EPRS1: variants seen among roughly 807,000 people sequenced by gnomAD.
EPRS1 encodes the protein glutamyl-prolyl-tRNA synthetase 1.
In EPRS1, 107 loss-of-function variants were observed where a neutral mutation model predicts 188.3. That is an observed-to-expected ratio of 0.57 (90% confidence interval 0.49 to 0.67). The LOEUF is 0.67. Among genes scored for constraint, EPRS1 ranks in the 30% least tolerant of loss-of-function variants. The pLI is 0.00. For missense variants in EPRS1, 1,577 were observed against 1,802.2 expected, an observed-to-expected ratio of 0.88 and a Z score of 2.26; for synonymous variants, 596 against 593.1, an observed-to-expected ratio of 1.00 and a Z score of -0.07.
chr1:219,980,056 C>T (rs1406384917), intron 26 of EPRS1, 29 bp downstream of exon 26: 1 of 1,603,374 alleles, frequency 6.2e-7, no homozygotes, highest in South Asian at 1.1e-5. Flanking sequence ...CTTACAGTGA[C>T]CTACGAATCC....
At chr1:220,006,337 C>A (rs765245654) in intron 14 of EPRS1, 24 bp from the exon 15 acceptor site, 3 of 1,168,700 alleles carry the variant, frequency 2.6e-6, no homozygotes. Context: ...TAAAAGTATT[C>A]AAAGAAATAT....
At chr1:220,041,322 A>G (rs1662289796) in intron 1 of EPRS1, among the ~76,000 whole-genome samples, 1 of 151,100 alleles carries the variant, frequency 6.6e-6, no homozygotes. Context: ...ACACAGCGAA[A>G]CTGTCTCAAA....
intron 17 of EPRS1, 105 bp from the exon 18 acceptor site, chr1:219,997,447 G>A (rs909696368): frequency 1.9e-6 from 2 of 1,049,798 alleles, no homozygotes; most frequent in African/African-American, 3.2e-5. Flanking sequence ...ATTAAAAACA[G>A]AAACTTTAAA....
Position 219,971,927 on chromosome 1 carries a change from G to A in EPRS1, c.4323+142C>T, listed in dbSNP as rs371205284. The A allele has an allele frequency of 5.2e-4, 188 of 358,814 alleles. 1 individual carries two copies. Among genetic ancestry groups the A allele is most frequent in the Admixed American group, 2.7e-3 (58 of 21,390 alleles). 22.2% of individuals were successfully genotyped at this position (358,814 alleles called of 1,614,324 possible). Reference sequence around the variant, plus strand: ...ATATAATTAGATTATATATTTATACGTACATATAAATGTTGAGTAATGTAC... The same window carrying A: ...ATATAATTAGATTATATATTTATACATACATATAAATGTTGAGTAATGTAC... On this transcript the variant is annotated intron_variant, in intron 30 of 31. Coordinates refer to ENST00000366923, the MANE Select transcript of EPRS1 (RefSeq NM_004446.3).
rs546589013 is a variant in EPRS1 at position 219,987,990 on chromosome 1, G to C, written c.2776-586C>G. On this transcript the variant is annotated intron_variant, in intron 19 of 31. Transcript: ENST00000366923. Reference sequence around the variant, plus strand: ...ACTGGTATCTAACATGTATTCCATAGGAATCTAAGTTAAGAGCCATTAAAT... The same window carrying C: ...ACTGGTATCTAACATGTATTCCATACGAATCTAAGTTAAGAGCCATTAAAT... 6.6e-5 allele frequency among the ~76,000 whole-genome samples: 10 copies of C among 152,214 alleles called. No homozygotes were observed. The South Asian group carries it at 2.1e-3, about 32-fold the overall frequency.
Position 220,007,288 on chromosome 1 carries a change from A to G in EPRS1, c.1656T>C (p.Ile552=), listed in dbSNP as rs1341196767. The change falls in exon 14 of 32, where the codon ATT becomes ATC. Residue 552 remains isoleucine, a synonymous_variant. Coordinates refer to ENST00000366923, the MANE Select transcript of EPRS1 (RefSeq NM_004446.3). ...KPVWYSPKVF[I]EGADAETFSE... is the part of the protein sequence containing the mutation. ...AAAAAGTCTCTGCATCAGCACCTTCAATGAAAACTTTGGGACTATACCACA... is the reference window on the plus strand; with the variant it reads ...AAAAAGTCTCTGCATCAGCACCTTCGATGAAAACTTTGGGACTATACCACA... 1 of 1,613,890 alleles carries G rather than the reference A, an allele frequency of 6.2e-7. No individual in the cohort carries two copies. Among genetic ancestry groups the G allele is most frequent in the African/African-American group, 1.3e-5 (1 of 74,930 alleles).
In EPRS1 at chr1:219,973,389, T is replaced by C. The variant is rs767115661; in HGVS notation, c.4093A>G (p.Ile1365Val). 6 of 1,611,270 alleles carry C rather than the reference T, an allele frequency of 3.7e-6. No individual in the cohort carries two copies. Among genetic ancestry groups the C allele is most frequent in the African/African-American group, 2.7e-5 (2 of 74,404 alleles). Residue 1365 changes from isoleucine to valine, a missense_variant, in exon 29 of 32, where the codon ATT (isoleucine) becomes GTT (valine). Coordinates refer to ENST00000366923, the MANE Select transcript of EPRS1 (RefSeq NM_004446.3). ...TCACGTGGCCCAACTTCAAGTCTAA[T>C]GGGAACTCCCTATAAGATAAAAAAG... ...FNHWELKGVPIRLEVGPRDMK... is the reference protein window; with the variant it reads ...FNHWELKGVPVRLEVGPRDMK...
chr1:220,007,762 A>G (rs1661520101), intron 13 of EPRS1, among the ~76,000 whole-genome samples: 1 of 152,140 alleles, frequency 6.6e-6, no homozygotes. Flanking sequence ...TCTGTTTCCT[A>G]TCCTTAGAAT....
chr1:220,024,204 G>A (rs1571691018), intron 8 of EPRS1, 60 bp downstream of exon 8: 3 of 1,134,432 alleles, frequency 2.6e-6, no homozygotes, highest in Non-Finnish European at 3.6e-6. Context: ...AAGAAATCAC[G>A]TTCTACTAAA....
At chr1:220,007,170 T>A (rs190019956) in intron 14 of EPRS1, 32 bp downstream of exon 14, 3 of 1,571,202 alleles carry the variant, frequency 1.9e-6, no homozygotes, top group East Asian at 4.5e-5. Flanking sequence ...TTTTCTCCTA[T>A]GTTTATTTGA....
intron 28 of EPRS1, 99 bp from the exon 29 acceptor site, chr1:219,973,497 C>A (rs1660709199): frequency 2.4e-6 from 2 of 848,258 alleles, no homozygotes; most frequent in Non-Finnish European, 1.7e-6. Context: ...TATAAAAAAC[C>A]CAAAAAACAA....
At position 220,006,144 on chromosome 1, in the gene EPRS1, CT is replaced by C; in HGVS notation, c.1911del (p.Asp638ThrfsTer17). ...EHLITKPVLG[K>X]DEDFKQYVNK... ...TTGACATACTGCTTAAAGTCCTCGT[CT>C]TTTCCTAGCACTGGCTTTGTGATCA... On this transcript the variant is annotated frameshift_variant, in exon 15 of 32. Transcript: ENST00000366923. LOFTEE classifies it high-confidence loss of function. The C allele has an allele frequency of 6.3e-7, 1 of 1,594,200 alleles. No homozygotes were observed. Among genetic ancestry groups the C allele is most frequent in the South Asian group, 1.1e-5 (1 of 88,622 alleles).
At position 220,032,372 on chromosome 1, in the gene EPRS1, G is replaced by GA. The variant is rs149359255; in HGVS notation, c.528+14dup. ...AAGTGTTTTTTTTTTTAAAAAAAAA[G>GA]AAAAAAAGGCTTACCACTCGAGCTT... On this transcript the variant is annotated intron_variant, in intron 5 of 31. Coordinates refer to ENST00000366923, the MANE Select transcript of EPRS1 (RefSeq NM_004446.3). 0.013 allele frequency: 20,117 copies of GA among 1,551,118 alleles called. 285 individuals are homozygous for GA. Among genetic ancestry groups the GA allele is most frequent in the East Asian group, 0.064 (2,775 of 43,686 alleles).
chr1:220,017,044 C>T (rs1276695124), intron 12 of EPRS1, among the ~76,000 whole-genome samples: 1 of 151,924 alleles, frequency 6.6e-6, no homozygotes, highest in African/African-American at 2.4e-5. Context: ...AAAACCCCAT[C>T]TCTACTAAAA....
chr1:220,008,097 A>G (rs1332010452), intron 13 of EPRS1, among the ~76,000 whole-genome samples: 1 of 139,964 alleles, frequency 7.1e-6, no homozygotes, highest in Non-Finnish European at 1.5e-5. Flanking sequence ...ACAGAGCGAG[A>G]CTCCGTCACC....
In EPRS1 at chr1:219,980,791, T is replaced by C. The variant is rs1016030009; in HGVS notation, c.3520A>G (p.Ser1174Gly). ...TREFLWQEGH[S>G]AFATMEEAAE... ...GCCTCTTCCATGGTAGCAAAAGCAC[T>C]GTGCCCTTCCTGCCAAAGAAATTCA... Residue 1174 changes from serine (S) to glycine (G), a missense_variant, in exon 25 of 32, where the codon AGT becomes GGT. Physicochemically the swap from Ser to Gly is moderately conservative, Grantham distance 56. Transcript: ENST00000366923. 1.9e-6 allele frequency: 3 copies of C among 1,613,378 alleles called. No individual in the cohort carries two copies. Among genetic ancestry groups the C allele is most frequent in the Non-Finnish European group, 2.5e-6 (3 of 1,179,690 alleles).
rs139892915 is a variant in EPRS1 at position 220,007,286 on chromosome 1, T to G, written c.1658A>C (p.Glu553Ala). 1 of 1,613,844 alleles carries G rather than the reference T, an allele frequency of 6.2e-7. No homozygotes were observed. The highest frequency in any genetic ancestry group is 8.5e-7 in the Non-Finnish European group (1 of 1,179,856). ...CGAAAAAGTCTCTGCATCAGCACCTTCAATGAAAACTTTGGGACTATACCA... is the reference window on the plus strand; with the variant it reads ...CGAAAAAGTCTCTGCATCAGCACCTGCAATGAAAACTTTGGGACTATACCA... ...PVWYSPKVFI[E>A]GADAETFSEG... The change falls in exon 14 of 32, where the codon GAA becomes GCA. Residue 553 changes from glutamate (E) to alanine (A), a missense_variant. Physicochemically the swap from Glu to Ala is moderately radical, Grantham distance 107 (BLOSUM62 -1). This residue lies in a region of EPRS1 where 1,278 missense variants were observed against 1,457.4 expected (regional missense o/e 0.88). Coordinates refer to ENST00000366923, the MANE Select transcript of EPRS1 (RefSeq NM_004446.3).
chr1:220,018,454 T>C lies in EPRS1; in HGVS notation c.1489A>G (p.Lys497Glu). The C allele has an allele frequency of 5.6e-6, 9 of 1,610,544 alleles. No individual in the cohort carries two copies. The highest frequency in any genetic ancestry group is 7.6e-6 in the Non-Finnish European group (9 of 1,177,604). The change falls in exon 12 of 32, where the codon AAA (lysine) becomes GAA (glutamate). Residue 497 changes from lysine to glutamate, a missense_variant. Lys to Glu is a moderately conservative substitution (Grantham distance 56). Transcript: ENST00000366923. ...MEWDKIWAFN[K>E]KVIDPVAPRY... ...CAGAGAGTTAACATACATACCTTTT[T>C]GTTAAACGCCCAGATTTTGTCCCAC...
intron 12 of EPRS1, among the ~76,000 whole-genome samples, chr1:220,017,921 T>C (rs1183774334): frequency 6.6e-6 from 1 of 152,152 alleles, no homozygotes; most frequent in Non-Finnish European, 1.5e-5. Context: ...TGGGGTAGAA[T>C]AGAGTTATCC....
Sources: allele counts gnomAD v4.1 joint callset (sites outside exome capture counted in the v4.1 genomes callset), GRCh38; gene constraint gnomAD v4.1.1; regional missense constraint gnomAD v4.1.1; transcripts MANE v1.5; gene names NCBI Gene and HGNC (gene_info 2026-07-23, HGNC 2026-07-21).